CCSER1: variants seen among roughly 807,000 people sequenced by gnomAD.
CCSER1 encodes serine-rich coiled-coil domain-containing protein 1.
A neutral mutation model predicts 82.0 loss-of-function variants in CCSER1; 41 were observed. The ratio of observed to expected loss-of-function variants is 0.50; its 90% CI spans 0.39 to 0.65. The LOEUF (loss-of-function observed/expected upper bound fraction) is 0.65. Among genes scored for constraint, CCSER1 ranks in the 30% least tolerant of loss-of-function variants. The probability of loss-of-function intolerance (pLI) is 0.00; values close to 1 mark genes in which losing one functional copy is unlikely to be tolerated. For missense variants in CCSER1, 1,119 were observed against 1,064.2 expected, an observed-to-expected ratio of 1.05 and a Z score of -0.72; for synonymous variants, 414 against 383.9, an observed-to-expected ratio of 1.08 and a Z score of -0.92.
intron 5 of CCSER1, among the ~76,000 whole-genome samples, chr4:90,562,372 G>A (rs574802223): frequency 7.9e-5 from 12 of 151,942 alleles, no homozygotes; most frequent in South Asian, 2.1e-4. Context: ...TCCAATAAAC[G>A]TCTGATTCTG....
intron 1 of CCSER1, among the ~76,000 whole-genome samples, chr4:90,244,986 T>A (rs1721160675): frequency 6.6e-6 from 1 of 152,200 alleles, no homozygotes; most frequent in South Asian, 2.1e-4. Flanking sequence ...CTCATTAAGA[T>A]GTTTCTTCAC....
intron 3 of CCSER1, among the ~76,000 whole-genome samples, chr4:90,395,394 A>C (rs1358540139): frequency 6.6e-6 from 1 of 152,184 alleles, no homozygotes; most frequent in East Asian, 1.9e-4. Flanking sequence ...TCTTGTTTTT[A>C]CATTTTGCAG....
intron 10 of CCSER1, among the ~76,000 whole-genome samples, chr4:91,167,762 T>G (rs1334891351): frequency 6.6e-6 from 1 of 152,246 alleles, no homozygotes; most frequent in Non-Finnish European, 1.5e-5. Flanking sequence ...GAGCCTAGGT[T>G]AAAATTTGAG....
chr4:91,173,422 G>A (rs771560556), intron 10 of CCSER1, among the ~76,000 whole-genome samples: 7 of 151,916 alleles, frequency 4.6e-5, no homozygotes, highest in Non-Finnish European at 8.8e-5. Flanking sequence ...GTGAAACCCC[G>A]TCTCTACTGA....
chr4:90,741,214 T>A (rs2149443163), intron 7 of CCSER1, among the ~76,000 whole-genome samples: 1 of 152,328 alleles, frequency 6.6e-6, no homozygotes, highest in Non-Finnish European at 1.5e-5. Context: ...ATATGTTTCT[T>A]CAAACAAAAA....
intron 9 of CCSER1, among the ~76,000 whole-genome samples, chr4:91,015,684 G>A (rs951480095): frequency 6.6e-6 from 1 of 151,366 alleles, no homozygotes; most frequent in Non-Finnish European, 1.5e-5. Context: ...AAACATATTA[G>A]CAATTTGCTA....
intron 8 of CCSER1, among the ~76,000 whole-genome samples, chr4:90,903,538 A>G (rs924576409): frequency 2.0e-5 from 3 of 152,138 alleles, no homozygotes; most frequent in African/African-American, 4.8e-5. Flanking sequence ...TAAAATTAGA[A>G]ATCAATACCA....
chr4:90,822,283 C>T (rs996206082), intron 8 of CCSER1, among the ~76,000 whole-genome samples: 1 of 152,122 alleles, frequency 6.6e-6, no homozygotes, highest in Non-Finnish European at 1.5e-5. Context: ...TGGATAATCA[C>T]ATTACTAAAT....
chr4:90,649,653 C>G (rs1412134909), intron 6 of CCSER1: 1 of 152,076 alleles, frequency 6.6e-6, no homozygotes, highest in Non-Finnish European at 1.5e-5. Context: ...GTTGTTTAAG[C>G]CATCAGTTTA....
chr4:91,180,519 C>A (rs976630192), intron 10 of CCSER1, among the ~76,000 whole-genome samples: 2 of 152,246 alleles, frequency 1.3e-5, no homozygotes, highest in African/African-American at 2.4e-5. Flanking sequence ...GCGGACGCCC[C>A]TTCCCCAGCC....
chr4:90,317,364 C>T (rs1184155439), intron 3 of CCSER1, among the ~76,000 whole-genome samples: 1 of 152,196 alleles, frequency 6.6e-6, no homozygotes, highest in African/African-American at 2.4e-5. Context: ...GTAGTCCCAG[C>T]ACTTTGGGAG....
At chr4:91,555,314 TTAA>T (rs1470035722) in intron 10 of CCSER1, among the ~76,000 whole-genome samples, 3 of 151,128 alleles carry the variant, frequency 2.0e-5, no homozygotes, top group African/African-American at 7.3e-5. Context: ...TTCAAAAATA[TTAA>T]TATCACTGAT....
intron 7 of CCSER1, among the ~76,000 whole-genome samples, chr4:90,765,028 T>C (rs1750993513): frequency 6.6e-6 from 1 of 152,080 alleles, no homozygotes; most frequent in South Asian, 2.1e-4. Flanking sequence ...CAATGAAAAG[T>C]AGAGAAAAAA....
intron 5 of CCSER1, among the ~76,000 whole-genome samples, chr4:90,519,647 A>G (rs900705533): frequency 6.6e-6 from 1 of 151,990 alleles, no homozygotes; most frequent in South Asian, 2.1e-4. Context: ...AAAATAATGT[A>G]ACTCCACTAA....
intron 9 of CCSER1, among the ~76,000 whole-genome samples, chr4:90,954,272 T>C (rs567980532): frequency 7.2e-5 from 11 of 152,176 alleles, no homozygotes; most frequent in African/African-American, 2.4e-4. Flanking sequence ...GTAAAAAGAT[T>C]CTGTAATACA....
chr4:91,005,376 T>A (rs1467175784), intron 9 of CCSER1, among the ~76,000 whole-genome samples: 2 of 149,156 alleles, frequency 1.3e-5, no homozygotes, highest in Non-Finnish European at 3.0e-5. Context: ...GTTTTATATA[T>A]CATGAAGTAA....
At chr4:91,214,687 T>C (rs2149089969) in intron 10 of CCSER1, among the ~76,000 whole-genome samples, 1 of 152,272 alleles carries the variant, frequency 6.6e-6, no homozygotes, top group Admixed American at 6.5e-5. Flanking sequence ...TCTCCATAAA[T>C]GGAACAAGAT....
intron 10 of CCSER1, chr4:91,325,256 CCTA>C (rs1169933642): frequency 1.7e-5 from 7 of 419,690 alleles, no homozygotes; most frequent in South Asian, 5.1e-5. Context: ...GCACATGGGT[CCTA>C]GGCAGGAAGA....
At chr4:91,000,437 A>T (rs1038272807) in intron 9 of CCSER1, among the ~76,000 whole-genome samples, 1 of 152,030 alleles carries the variant, frequency 6.6e-6, no homozygotes, top group African/African-American at 2.4e-5. Flanking sequence ...GAATTTTAGT[A>T]TAATGTTTTC....
Sources: allele counts gnomAD v4.1 joint callset (sites outside exome capture counted in the v4.1 genomes callset), GRCh38; gene constraint gnomAD v4.1.1; transcripts MANE v1.5; gene names NCBI Gene and HGNC (gene_info 2026-07-23, HGNC 2026-07-21).